Variants in ZNF292 observed in about 807,000 individuals in gnomAD.
The protein encoded by ZNF292 is zinc finger protein 292.
In ZNF292, 26 loss-of-function variants were observed where a neutral mutation model predicts 217.9. That is an observed-to-expected ratio of 0.12 (90% CI 0.09 to 0.17). The LOEUF is 0.17. ZNF292 is among the 10% of genes least tolerant of loss of function. The pLI is 1.00. For missense variants in ZNF292, 2,904 were observed against 3,175.2 expected (o/e 0.91, Z 2.05); for synonymous variants, 1,257 against 1,124.1 (o/e 1.12, Z -2.37).
At chr6:87,183,715 C>T (rs1319943987) in intron 1 of ZNF292, among the ~76,000 whole-genome samples, 1 of 152,168 alleles carries the variant, frequency 6.6e-6, no homozygotes, top group Admixed American at 6.5e-5. Flanking sequence ...AATAGATACA[C>T]TAAGGATAGT....
intron 1 of ZNF292, among the ~76,000 whole-genome samples, chr6:87,199,982 G>A (rs1772060578): frequency 6.6e-6 from 1 of 152,166 alleles, no homozygotes; most frequent in African/African-American, 2.4e-5. Flanking sequence ...GTAGACTGTG[G>A]CAGCCTTTCT....
At chr6:87,187,359 T>TA (rs1771695353) in intron 1 of ZNF292, among the ~76,000 whole-genome samples, 1 of 152,230 alleles carries the variant, frequency 6.6e-6, no homozygotes, top group South Asian at 2.1e-4. Flanking sequence ...CTCACTTTAC[T>TA]AAATCTTAAT....
At position 87,255,420 on chromosome 6, in the gene ZNF292, A is replaced by G. The variant is rs1465463948; in HGVS notation, c.1791A>G (p.Lys597=). The G allele has an allele frequency of 1.5e-5, 25 of 1,613,708 alleles. No individual in the cohort carries two copies. The Admixed American group carries it at 4.2e-4, about 27-fold the overall frequency. ...HVTLHVKQSS[K]ERLAAMKPLR... ...CACTGCATGTTAAACAATCTAGTAA[A>G]GAGAGACTAGCAGCTATGAAACCAT... The change falls in exon 8 of 8, where the codon AAA becomes AAG. Residue 597 remains lysine, a synonymous_variant. Transcript: ENST00000369577.
chr6:87,256,399 C>T lies in ZNF292; in HGVS notation c.2770C>T (p.Pro924Ser). Residue 924 changes from proline to serine, a missense_variant, in exon 8 of 8, where the codon CCT becomes TCT. Around this residue, in one of 15 missense-constraint regions of ZNF292, gnomAD observed 687 missense variants for 623.0 expected, o/e 1.10. Coordinates refer to ENST00000369577, the MANE Select transcript of ZNF292 (RefSeq NM_015021.3). ...NGPLSNGLEN[P>S]ATTPLLQSSE... Reference sequence around the variant, plus strand: ...ACCATTGTCAAATGGTTTGGAAAACCCTGCTACTACTCCTCTACTTCAATC... The same window carrying T: ...ACCATTGTCAAATGGTTTGGAAAACTCTGCTACTACTCCTCTACTTCAATC... 1 of 1,607,824 alleles carries T rather than the reference C, an allele frequency of 6.2e-7. No individual in the cohort carries two copies. Among genetic ancestry groups the T allele is most frequent in the Non-Finnish European group, 8.5e-7 (1 of 1,179,796 alleles).
intron 5 of ZNF292, chr6:87,233,798 A>G: frequency 2.8e-6 from 1 of 356,208 alleles, no homozygotes; most frequent in Non-Finnish European, 3.9e-6. Context: ...TTAACAGTTT[A>G]GTAAAATATC....
At chr6:87,168,220 A>G (rs1168135883) in intron 1 of ZNF292, among the ~76,000 whole-genome samples, 1 of 152,208 alleles carries the variant, frequency 6.6e-6, no homozygotes, top group Non-Finnish European at 1.5e-5. Flanking sequence ...TTAGTGTCCA[A>G]GTTAATTCAA....
Position 87,261,472 on chromosome 6 carries a change from C to T in ZNF292, c.7843C>T (p.Pro2615Ser). The T allele has an allele frequency of 6.2e-7, 1 of 1,604,244 alleles. No homozygotes were observed. Among genetic ancestry groups the T allele is most frequent in the Non-Finnish European group, 8.5e-7 (1 of 1,174,794 alleles). The part of the protein sequence containing the change: ...KQKKNTDKDH[P>S]NTGNKKGSHS... ...GAAGAAAAATACTGACAAAGACCAT[C>T]CGAATACTGGAAACAAAAAAGGATC... Residue 2615 changes from proline to serine, a missense_variant, in exon 8 of 8, where the codon CCG becomes TCG. By Grantham distance (74) the Pro-to-Ser change is moderately conservative. Transcript: ENST00000369577.
At chr6:87,211,994 A>G (rs1167896614) in intron 1 of ZNF292, among the ~76,000 whole-genome samples, 1 of 152,144 alleles carries the variant, frequency 6.6e-6, no homozygotes, top group Non-Finnish European at 1.5e-5. Context: ...AAAGTGTAGG[A>G]CTTTGGTCAG....
intron 1 of ZNF292, among the ~76,000 whole-genome samples, chr6:87,180,168 A>G (rs943916992): frequency 6.6e-5 from 10 of 152,256 alleles, no homozygotes; most frequent in African/African-American, 1.9e-4. Flanking sequence ...AACAAAACAA[A>G]AAAACAGAAC....
intron 4 of ZNF292, among the ~76,000 whole-genome samples, chr6:87,228,175 A>C (rs929832653): frequency 2.0e-5 from 3 of 152,006 alleles, no homozygotes; most frequent in Non-Finnish European, 2.9e-5. Flanking sequence ...TTTCATTTGC[A>C]GTTCTCTGAT....
At chr6:87,186,178 G>A (rs1771646749) in intron 1 of ZNF292, among the ~76,000 whole-genome samples, 1 of 152,176 alleles carries the variant, frequency 6.6e-6, no homozygotes, top group East Asian at 1.9e-4. Context: ...CCAGCCATCA[G>A]TCAACTCATT....
chr6:87,258,385 T>C lies in ZNF292; in HGVS notation c.4756T>C (p.Ser1586Pro), dbSNP rs1049686827. 9.9e-6 allele frequency: 16 copies of C among 1,613,576 alleles called. No individual in the cohort carries two copies. Among genetic ancestry groups the C allele is most frequent in the Non-Finnish European group, 1.4e-5 (16 of 1,179,798 alleles). ...GAAGACTGTTGAAAATGGTTTGTGC[T>C]CTAGTTCATTTCCTAATTCTGGTGG... ...LLKTVENGLC[S>P]SSFPNSGGPS... is the part of the protein sequence containing the mutation. The change falls in exon 8 of 8, where the codon TCT becomes CCT. Residue 1586 changes from serine to proline, a missense_variant. This residue lies in a region of ZNF292 where 622 missense variants were observed against 573.1 expected (regional missense o/e 1.09). Transcript: ENST00000369577.
intron 4 of ZNF292, among the ~76,000 whole-genome samples, chr6:87,221,666 A>C (rs1005647509): frequency 6.6e-6 from 1 of 152,044 alleles, no homozygotes; most frequent in Non-Finnish European, 1.5e-5. Flanking sequence ...ATTTTTGTGG[A>C]TATATAGCAG....
chr6:87,238,932 C>T lies in ZNF292; in HGVS notation c.742-4543C>T, dbSNP rs577452467. 3.6e-3 allele frequency among the ~76,000 whole-genome samples: 548 copies of T among 152,282 alleles called. 1 individual carries two copies. Among genetic ancestry groups the T allele is most frequent in the African/African-American group, 0.013 (527 of 41,528 alleles). On this transcript the variant is annotated intron_variant, in intron 5 of 7. Transcript: ENST00000369577. Reference sequence around the variant, plus strand: ...CATCTGTTTAACAAAGCACATCTTGCACCGCCCTTAATCCATTTAACCCTG... The same window carrying T: ...CATCTGTTTAACAAAGCACATCTTGTACCGCCCTTAATCCATTTAACCCTG...
At chr6:87,209,302 C>A (rs1772383897) in intron 1 of ZNF292, among the ~76,000 whole-genome samples, 1 of 151,846 alleles carries the variant, frequency 6.6e-6, no homozygotes, top group Non-Finnish European at 1.5e-5. Flanking sequence ...TCTTTTTGTT[C>A]CATTCCCATG....
chr6:87,155,623 T>A lies in ZNF292; in HGVS notation c.32T>A (p.Leu11Ter). The A allele has an allele frequency of 6.3e-7, 1 of 1,583,950 alleles. No homozygotes were observed. The highest frequency in any genetic ancestry group is 8.6e-7 in the Non-Finnish European group (1 of 1,166,322). MADEEAEQER[L>*]SCGEGGCVAE... ...GACGAAGAGGCCGAGCAGGAGAGGT[T>A]GAGTTGCGGCGAAGGCGGCTGCGTC... is the stretch of plus-strand genomic sequence containing the variant. Residue 11 changes from leucine to a stop codon, truncating the protein, a stop_gained, in exon 1 of 8, where the codon TTG becomes TAG. Transcript: ENST00000369577. LOFTEE classifies it high-confidence loss of function.
At chr6:87,186,753 G>A (rs1172128464) in intron 1 of ZNF292, among the ~76,000 whole-genome samples, 1 of 152,160 alleles carries the variant, frequency 6.6e-6, no homozygotes, top group African/African-American at 2.4e-5. Context: ...CAAAAAACAG[G>A]CAGGGAAGTA....
intron 3 of ZNF292, 60 bp from the exon 4 acceptor site, chr6:87,218,535 CT>C: frequency 1.4e-6 from 2 of 1,381,080 alleles, no homozygotes; most frequent in Non-Finnish European, 1.9e-6. Context: ...TATTTAAAGC[CT>C]GATAAGCTTG....
Position 87,218,725 on chromosome 6 carries a change from G to A in ZNF292, c.532G>A (p.Asp178Asn). The change falls in exon 4 of 8, where the codon GAT (aspartate) becomes AAT (asparagine). Residue 178 changes from aspartate (D) to asparagine (N), a missense_variant. Around this residue, in one of 15 missense-constraint regions of ZNF292, gnomAD observed 313 missense variants for 451.0 expected, o/e 0.69. Coordinates refer to ENST00000369577, the MANE Select transcript of ZNF292 (RefSeq NM_015021.3). ...TCTTTCCCAGGAACCATTGGATAAGGATAAAGGTAAATTTTCGAGAGACAG... is the reference window on the plus strand; with the variant it reads ...TCTTTCCCAGGAACCATTGGATAAGAATAAAGGTAAATTTTCGAGAGACAG... ...TILSQEPLDKDKVNEFLAFEG... is the reference protein window; with the variant it reads ...TILSQEPLDKNKVNEFLAFEG... 6.3e-7 allele frequency: 1 copy of A among 1,580,018 alleles called. No individual in the cohort carries two copies.
Sources: gnomAD v4.1 joint callset for allele counts (sites outside exome capture counted in the v4.1 genomes callset) on GRCh38, gnomAD v4.1.1 for gene constraint, gnomAD v4.1.1 regional missense constraint, MANE v1.5 for transcripts, NCBI Gene and HGNC (gene_info 2026-07-23, HGNC 2026-07-21) for gene names.